BCAS3: variants seen among roughly 807,000 people sequenced by gnomAD.
BCAS3 encodes the protein BCAS3 microtubule associated cell migration factor.
In BCAS3, 53 loss-of-function variants were observed where a neutral mutation model predicts 116.1. That is an observed-to-expected ratio of 0.46 (90% CI 0.37 to 0.57). The LOEUF is 0.57. Among genes scored for constraint, BCAS3 ranks in the 20% least tolerant of loss-of-function variants. BCAS3 has a pLI of 0.00. For synonymous variants in BCAS3, 391 were observed against 408.2 expected, an observed-to-expected ratio of 0.96 and a Z score of 0.51; for missense variants, 917 against 1,165.4, an observed-to-expected ratio of 0.79 and a Z score of 3.10.
intron 22 of BCAS3, among the ~76,000 whole-genome samples, chr17:61,102,639 G>A (rs1218201539): frequency 1.3e-5 from 2 of 152,040 alleles, no homozygotes; most frequent in African/African-American, 2.4e-5. Context: ...TTGAATAGAC[G>A]TGTGTAATGC....
chr17:61,003,928 C>T (rs2064460959), intron 15 of BCAS3: 1 of 152,122 alleles, frequency 6.6e-6, no homozygotes, highest in Non-Finnish European at 1.5e-5. Context: ...CAAATAGTCA[C>T]TATCCGTAGG....
rs1446512648 is a variant in BCAS3, at chr17:61,224,715, C to A, written c.2425+140151C>A. 6.6e-6 allele frequency among the ~76,000 whole-genome samples: 1 copy of A among 152,164 alleles called. No homozygotes were observed. The highest frequency in any genetic ancestry group is 1.5e-5 in the Non-Finnish European group (1 of 68,042). On this transcript the variant is annotated intron_variant, in intron 22 of 23. Coordinates refer to ENST00000407086, the MANE Select transcript of BCAS3 (RefSeq NM_017679.5). This position sits in a 1 kb window ranked among gnomAD's most constrained non-coding sequence, Gnocchi z 5.7. ...CAGTTTCTTGGTCCGTGAAAACTAA[C>A]AGGTGAAATGAATTCTAAGTATATG...
At chr17:60,713,541 T>TA (rs967034175) in intron 5 of BCAS3, among the ~76,000 whole-genome samples, 27 of 152,268 alleles carry the variant, frequency 1.8e-4, no homozygotes, top group Non-Finnish European at 3.2e-4. Context: ...TATTTGGAAT[T>TA]AAAAAAAGGA....
intron 6 of BCAS3, among the ~76,000 whole-genome samples, chr17:60,769,562 G>T (rs191392320): frequency 6.6e-6 from 1 of 152,162 alleles, no homozygotes; most frequent in Non-Finnish European, 1.5e-5. Context: ...TGGGCCTGCC[G>T]TGGGGAAGGG....
chr17:61,195,964 A>G (rs1267093220), intron 22 of BCAS3, among the ~76,000 whole-genome samples: 3 of 152,244 alleles, frequency 2.0e-5, no homozygotes, highest in Admixed American at 6.5e-5. Flanking sequence ...CTGTTAAAGT[A>G]TAAGGATCTA....
At chr17:61,152,915 G>A (rs2077620075) in intron 22 of BCAS3, among the ~76,000 whole-genome samples, 1 of 152,092 alleles carries the variant, frequency 6.6e-6, no homozygotes, top group Non-Finnish European at 1.5e-5. Context: ...TGTTATTTTT[G>A]TACTGCCTGA....
chr17:60,835,334 C>G (rs950804928), intron 7 of BCAS3, among the ~76,000 whole-genome samples: 1 of 151,994 alleles, frequency 6.6e-6, no homozygotes, highest in Non-Finnish European at 1.5e-5. Context: ...ATATTATCTA[C>G]TACATGAATA....
At chr17:61,053,230 T>A (rs1302523693) in intron 19 of BCAS3, among the ~76,000 whole-genome samples, 3 of 152,192 alleles carry the variant, frequency 2.0e-5, no homozygotes, top group Non-Finnish European at 4.4e-5. Flanking sequence ...CTAGGGATCT[T>A]GATTCCCAAA....
chr17:61,172,714 G>A (rs575442230), intron 22 of BCAS3, among the ~76,000 whole-genome samples: 7 of 151,096 alleles, frequency 4.6e-5, no homozygotes, highest in South Asian at 2.1e-4. Flanking sequence ...GGCTGGGCGC[G>A]GTGGCTCATG....
intron 6 of BCAS3, among the ~76,000 whole-genome samples, chr17:60,757,165 A>G (rs2043065576): frequency 6.7e-6 from 1 of 148,324 alleles, no homozygotes; most frequent in African/African-American, 2.5e-5. Flanking sequence ...CTGTCTCAAG[A>G]AAAAAAAAAG....
intron 6 of BCAS3, among the ~76,000 whole-genome samples, chr17:60,806,610 G>A (rs1052692462): frequency 5.3e-5 from 8 of 150,342 alleles, no homozygotes; most frequent in African/African-American, 2.0e-4. Context: ...GGAATGCAGT[G>A]GCACAATTAT....
intron 6 of BCAS3, among the ~76,000 whole-genome samples, chr17:60,802,299 T>C: frequency 7.9e-6 from 1 of 125,862 alleles, no homozygotes; most frequent in South Asian, 2.2e-4. Context: ...AAAAAAAATA[T>C]ATATATATAT....
rs551621279 is a variant in BCAS3, at chr17:61,079,043, G to T, written c.2327+514G>T. Among the ~76,000 whole-genome samples, 3 of 151,976 alleles carry T rather than the reference G, an allele frequency of 2.0e-5. No individual in the cohort carries two copies. The South Asian group carries it at 6.2e-4, about 32-fold the overall frequency. ...CTTATTTGTAGGAATCCTAGGACAGGTGTACAAATTATGCTTTTTATTATT... is the reference window on the plus strand; with the variant it reads ...CTTATTTGTAGGAATCCTAGGACAGTTGTACAAATTATGCTTTTTATTATT... On this transcript the variant is annotated intron_variant, in intron 21 of 23. Transcript: ENST00000407086.
intron 22 of BCAS3, among the ~76,000 whole-genome samples, chr17:61,314,329 A>G (rs944047488): frequency 4.6e-5 from 7 of 152,214 alleles, no homozygotes; most frequent in Admixed American, 3.3e-4. Flanking sequence ...AGGAAAAGAT[A>G]CTGAGGCAGG....
intron 22 of BCAS3, among the ~76,000 whole-genome samples, chr17:61,110,241 C>A (rs1003498779): frequency 6.6e-6 from 1 of 152,138 alleles, no homozygotes; most frequent in African/African-American, 2.4e-5. Flanking sequence ...GGGGAGGAGC[C>A]AAGATGGCCG....
Position 60,709,255 on chromosome 17 carries a change from G to A in BCAS3, c.251G>A (p.Ser84Asn). The change falls in exon 5 of 24, where the codon AGT becomes AAT. Residue 84 changes from serine to asparagine, a missense_variant. This residue lies in a region of BCAS3 where 807 missense variants were observed against 1,026.0 expected (regional missense o/e 0.79). Transcript: ENST00000407086. The part of the protein sequence containing the change: ...SRNLEFHEIH[S>N]TGNEPPLLIM... ...AATCTGGAATTTCATGAAATACATA[G>A]TACTGGGAATGAACCGCCTTTGTTG... The A allele has an allele frequency of 6.3e-7, 1 of 1,594,766 alleles. No individual in the cohort carries two copies. The highest frequency in any genetic ancestry group is 8.6e-7 in the Non-Finnish European group (1 of 1,162,526).
intron 5 of BCAS3, among the ~76,000 whole-genome samples, chr17:60,736,361 T>C (rs1395205123): frequency 1.3e-5 from 2 of 152,038 alleles, no homozygotes; most frequent in African/African-American, 4.8e-5. Context: ...TTTTTTTGTA[T>C]TTTTATTAGA....
intron 23 of BCAS3, among the ~76,000 whole-genome samples, chr17:61,374,187 C>CTT (rs547428310): frequency 4.8e-4 from 63 of 132,422 alleles, no homozygotes; most frequent in African/African-American, 1.6e-3. Context: ...TGTTAACTTC[C>CTT]TTTTTTTTTT....
At chr17:61,255,317 G>A (rs971838637) in intron 22 of BCAS3, among the ~76,000 whole-genome samples, 3 of 152,136 alleles carry the variant, frequency 2.0e-5, no homozygotes, top group Non-Finnish European at 2.9e-5. Context: ...CAGGTCACCC[G>A]ACAAGGTAAG....
Sources: allele counts gnomAD v4.1 joint callset (sites outside exome capture counted in the v4.1 genomes callset), GRCh38; gene constraint gnomAD v4.1.1; regional missense constraint gnomAD v4.1.1; non-coding constraint Gnocchi (gnomAD v3.1); transcripts MANE v1.5; gene names NCBI Gene and HGNC (gene_info 2026-07-23, HGNC 2026-07-21).